The following ZNF517 variants were observed in gnomAD, a reference collection of about 807,000 sequenced individuals.
The protein encoded by ZNF517 is zinc finger protein 517.
Under a neutral mutation model 12.1 loss-of-function variants are expected in ZNF517, and 12 were observed. The ratio of observed to expected loss-of-function variants is 0.99; its 90% CI spans 0.63 to 1.61. The LOEUF is 1.61. Ranked by LOEUF, ZNF517 falls within the 40% of genes most tolerant of loss-of-function variation. The pLI, the probability that ZNF517 is intolerant of heterozygous loss-of-function variation, is 0.00. For missense variants in ZNF517, 781 were observed against 693.2 expected (o/e 1.13, Z -1.42); for synonymous variants, 388 against 310.2 (o/e 1.25, Z -2.63).
chr8:144,812,197 T>G (rs1442136896), downstream of ZNF517, among the ~76,000 whole-genome samples: 5 of 147,426 alleles, frequency 3.4e-5, no homozygotes, highest in Non-Finnish European at 7.5e-5. Flanking sequence ...GACTGCAGAA[T>G]GGAAGCAAAG....
At chr8:144,807,131 G>T (rs2130448887) in intron 4 of ZNF517, 60 bp from the exon 5 acceptor site, 1 of 1,500,590 alleles carries the variant, frequency 6.7e-7, no homozygotes, top group South Asian at 1.4e-5. Flanking sequence ...CTTCAAACAA[G>T]AAGTTCGTTT....
At chr8:144,813,415 G>A (rs916971074), downstream of ZNF517, among the ~76,000 whole-genome samples, 1 of 151,156 alleles carries the variant, frequency 6.6e-6, no homozygotes, top group African/African-American at 2.4e-5. Flanking sequence ...CACACAAAAC[G>A]GAAAGTCATC....
chr8:144,807,771 G>A lies in ZNF517; in HGVS notation c.855G>A (p.Gly285=), dbSNP rs749214945. ...RLLQHQKFHT[G]EKPFACTECG... is the part of the protein sequence containing the mutation. Reference sequence around the variant, plus strand: ...TGCAGCACCAGAAGTTCCACACCGGGGAGAAGCCCTTCGCGTGCACAGAGT... The same window carrying A: ...TGCAGCACCAGAAGTTCCACACCGGAGAGAAGCCCTTCGCGTGCACAGAGT... Residue 285 remains glycine, a synonymous_variant, in exon 5 of 5, where the codon GGG becomes GGA. Transcript: ENST00000359971. The A allele has an allele frequency of 2.5e-6, 4 of 1,611,526 alleles. No homozygotes were observed. Among genetic ancestry groups the A allele is most frequent in the Admixed American group, 1.7e-5 (1 of 59,932 alleles).
intron 2 of ZNF517, chr8:144,803,422 T>C: frequency 1.8e-6 from 1 of 570,518 alleles, no homozygotes; most frequent in Non-Finnish European, 3.0e-6. Flanking sequence ...TCTCTCTCCC[T>C]CCCCCAAGTT....
chr8:144,811,818 T>C (rs1344210630), downstream of ZNF517, among the ~76,000 whole-genome samples: 1 of 117,092 alleles, frequency 8.5e-6, no homozygotes, highest in Non-Finnish European at 1.7e-5. Context: ...ACACGGACAG[T>C]AAAGCTCAGC....
chr8:144,807,040 C>T (rs1433470401), intron 4 of ZNF517, 151 bp from the exon 5 acceptor site: 1 of 1,027,236 alleles, frequency 9.7e-7, no homozygotes, highest in African/African-American at 1.6e-5. Flanking sequence ...GCCTCAGCCT[C>T]CTGTATACAA....
rs1363196418 is a variant in ZNF517, at chr8:144,807,947, C to T, written c.1031C>T (p.Ala344Val). 13 of 1,506,396 alleles carry T rather than the reference C, an allele frequency of 8.6e-6. No individual in the cohort carries two copies. Among genetic ancestry groups the T allele is most frequent in the Non-Finnish European group, 1.1e-5 (12 of 1,130,644 alleles). The allele number at this position is 1,506,396 out of a possible 1,614,324, so 93.3% of individuals were successfully genotyped here. A position where few individuals can be genotyped will look rare whatever the true frequency, so the allele number is the denominator to read the frequency against. ...CACCGGCTGCACGCGCAGGAGGGTG[C>T]CCAGGACGGCGGCGTGGGGCAGGGC... is the stretch of plus-strand genomic sequence containing the variant. ...KHHRLHAQEG[A>V]QDGGVGQGAL... The change falls in exon 5 of 5, where the codon GCC (alanine) becomes GTC (valine). Residue 344 changes from alanine (A) to valine (V), a missense_variant. Ala to Val is a moderately conservative substitution (Grantham distance 64). Coordinates refer to ENST00000359971, the MANE Select transcript of ZNF517 (RefSeq NM_213605.3).
At chr8:144,802,495 G>C (rs1267516775) in intron 1 of ZNF517, among the ~76,000 whole-genome samples, 1 of 152,220 alleles carries the variant, frequency 6.6e-6, no homozygotes, top group African/African-American at 2.4e-5. Context: ...CAGACCAGAG[G>C]CCTTGTCTAA....
At chr8:144,800,887 T>G (rs908248255) in intron 1 of ZNF517, among the ~76,000 whole-genome samples, 1 of 152,108 alleles carries the variant, frequency 6.6e-6, no homozygotes, top group Non-Finnish European at 1.5e-5. Flanking sequence ...CAGGCTGGAG[T>G]GCAGCGGGGC....
At position 144,807,286 on chromosome 8, in the gene ZNF517, TGGGGGCACCCTGTGG is replaced by T. The variant is rs773184856; in HGVS notation, c.383_397del (p.Val128_Pro132del). On this transcript the variant is annotated inframe_deletion, in exon 5 of 5. Coordinates refer to ENST00000359971, the MANE Select transcript of ZNF517 (RefSeq NM_213605.3). ...GGGCACCGTGTGGGGGTGCCTCCCC[TGGGGGCACCCTGTGG>T]GGGGGCACCCTGCACCACCCCACCC... 6.2e-5 allele frequency: 97 copies of T among 1,555,500 alleles called. No homozygotes were observed. The South Asian group carries it at 8.7e-4, about 14-fold the overall frequency.
chr8:144,803,321 G>A (rs2130429080), intron 2 of ZNF517: 2 of 464,228 alleles, frequency 4.3e-6, no homozygotes, highest in African/African-American at 2.0e-5. Flanking sequence ...AGAGGGTGGG[G>A]ATGCTCCCCA....
At chr8:144,802,734 C>T (rs111496258) in intron 1 of ZNF517, 136 bp from the exon 2 acceptor site, 68 of 1,374,150 alleles carry the variant, frequency 4.9e-5, no homozygotes, top group Admixed American at 1.2e-4. Context: ...CTCCTTGGGA[C>T]GTGAAGGAGG....
chr8:144,807,070 C>T (rs764077615), intron 4 of ZNF517, 121 bp from the exon 5 acceptor site: 30 of 1,294,724 alleles, frequency 2.3e-5, no homozygotes, highest in Admixed American at 3.0e-5. Flanking sequence ...GTCATTTATA[C>T]CTCAGTAAAG....
chr8:144,811,769 CTG>C (rs565323577), downstream of ZNF517, among the ~76,000 whole-genome samples: 32 of 124,824 alleles, frequency 2.6e-4, no homozygotes, highest in African/African-American at 9.4e-4. Flanking sequence ...CAGGTGCAGA[CTG>C]CAGCCTGGAA....
intron 4 of ZNF517, 120 bp from the exon 5 acceptor site, chr8:144,807,071 C>T: frequency 7.7e-7 from 1 of 1,301,108 alleles, no homozygotes; most frequent in Non-Finnish European, 1.0e-6. Context: ...TCATTTATAC[C>T]TCAGTAAAGC....
chr8:144,803,935 G>C (rs1367286785), intron 3 of ZNF517, 168 bp downstream of exon 3: 1 of 1,157,806 alleles, frequency 8.6e-7, no homozygotes, highest in Non-Finnish European at 1.2e-6. Flanking sequence ...GCCAGCGTCA[G>C]CCTGCCTGAG....
chr8:144,803,325 C>G (rs1827058834), intron 2 of ZNF517: 2 of 465,558 alleles, frequency 4.3e-6, no homozygotes, highest in Non-Finnish European at 7.7e-6. Flanking sequence ...GGTGGGGATG[C>G]TCCCCACAGT....
At chr8:144,810,262 G>A, downstream of ZNF517, 1 of 637,012 alleles carries the variant, frequency 1.6e-6, no homozygotes, top group Non-Finnish European at 2.9e-6. Context: ...AACAGATGAA[G>A]AGAAGGTGAG....
In ZNF517 at chr8:144,808,224, C is replaced by CT; in HGVS notation, c.1309dup (p.Tyr437LeufsTer87). On this transcript the variant is annotated frameshift_variant, in exon 5 of 5. Transcript: ENST00000359971. LOFTEE classifies it low-confidence loss of function (END_TRUNC). ...AGTGCGGCAAGGCGTTCCGCAGGAG[C>CT]TACACGCTGAACGAGCACTACCGGC... is the stretch of plus-strand genomic sequence containing the variant. 1 of 1,605,184 alleles carries CT rather than the reference C, an allele frequency of 6.2e-7. No homozygotes were observed. The highest frequency in any genetic ancestry group is 8.5e-7 in the Non-Finnish European group (1 of 1,175,222).
Sources: allele counts gnomAD v4.1 joint callset (sites outside exome capture counted in the v4.1 genomes callset), GRCh38; gene constraint gnomAD v4.1.1; transcripts MANE v1.5; gene names NCBI Gene and HGNC (gene_info 2026-07-23, HGNC 2026-07-21).